SNX8: variants seen among roughly 807,000 people sequenced by gnomAD.
SNX8 encodes the protein sorting nexin 8, also known as sorting nexin-8.
Under a neutral mutation model 51.6 loss-of-function variants are expected in SNX8, and 25 were observed. The observed-to-expected ratio is 0.48, with a 90% CI of 0.35 to 0.68. The LOEUF is 0.68. Ranked by LOEUF, SNX8 falls within the 30% of genes least tolerant of loss-of-function variation. SNX8 has a pLI of 0.00. For missense variants in SNX8, 695 were observed against 624.0 expected (o/e 1.11, Z -1.21); for synonymous variants, 324 against 277.0 (o/e 1.17, Z -1.68).
chr7:2,334,230 C>T (rs1583119765), intron 1 of SNX8, among the ~76,000 whole-genome samples: 1 of 151,998 alleles, frequency 6.6e-6, no homozygotes, highest in African/African-American at 2.4e-5. Flanking sequence ...GGTGAAACCC[C>T]GTCTCTACTA....
intron 1 of SNX8, among the ~76,000 whole-genome samples, chr7:2,333,628 T>C (rs950754967): frequency 6.6e-6 from 1 of 152,052 alleles, no homozygotes; most frequent in Admixed American, 6.6e-5. Context: ...GAGACACAAA[T>C]AGATCAATGG....
At chr7:2,260,491 T>G (rs1464484975) in intron 7 of SNX8, among the ~76,000 whole-genome samples, 3 of 152,128 alleles carry the variant, frequency 2.0e-5, no homozygotes, top group African/African-American at 7.2e-5. Context: ...CCTAAACCAT[T>G]AATGCATGCG....
chr7:2,309,788 T>C lies in SNX8; in HGVS notation c.94+4540A>G, dbSNP rs547350776. 5.2e-4 allele frequency: 243 copies of C among 470,712 alleles called. 2 individuals carry two copies. The highest frequency in any genetic ancestry group is 4.6e-3 in the African/African-American group (231 of 50,072). 29.2% of individuals were successfully genotyped at this position (470,712 alleles called of 1,614,324 possible). ...GCGCAATGAATTCTGACCAACGTATTCACACAGAGAACAGACCTGACATGA... is the reference window on the plus strand; with the variant it reads ...GCGCAATGAATTCTGACCAACGTATCCACACAGAGAACAGACCTGACATGA... On this transcript the variant is annotated intron_variant, in intron 1 of 10. Transcript: ENST00000222990.
At chr7:2,329,444 T>C (rs1778689383) in intron 1 of SNX8, among the ~76,000 whole-genome samples, 1 of 152,204 alleles carries the variant, frequency 6.6e-6, no homozygotes, top group Non-Finnish European at 1.5e-5. Flanking sequence ...TGAACTACGT[T>C]GTTTTTCGTG....
At chr7:2,330,739 G>T (rs1193923985) in intron 1 of SNX8, among the ~76,000 whole-genome samples, 1 of 152,082 alleles carries the variant, frequency 6.6e-6, no homozygotes, top group Non-Finnish European at 1.5e-5. Context: ...ACACATTTGG[G>T]CACAGAAGCC....
At chr7:2,340,872 A>C (rs1222744327) in intron 1 of SNX8, among the ~76,000 whole-genome samples, 1 of 149,166 alleles carries the variant, frequency 6.7e-6, no homozygotes, top group African/African-American at 2.5e-5. Flanking sequence ...AAAAAAAAAA[A>C]AAAAAAAAAA....
At chr7:2,349,215 A>C (rs74996546) in intron 1 of SNX8, among the ~76,000 whole-genome samples, 2,753 of 151,472 alleles carry the variant, frequency 0.018, 88 homozygotes, top group African/African-American at 0.063. Flanking sequence ...AAAACAAAAA[A>C]AAAAAAAGTA....
At chr7:2,302,722 G>A (rs568651235) in intron 1 of SNX8, among the ~76,000 whole-genome samples, 5 of 149,380 alleles carry the variant, frequency 3.3e-5, no homozygotes, top group South Asian at 4.3e-4. Flanking sequence ...GCCGCCCATC[G>A]TCTGAGATGT....
chr7:2,342,054 T>C lies in SNX8; in HGVS notation c.-66+12168A>G, dbSNP rs1778937598. 2.1e-5 allele frequency among the ~76,000 whole-genome samples: 3 copies of C among 144,882 alleles called. No homozygotes were observed. The Admixed American group carries it at 2.1e-4, about 10-fold the overall frequency. ...ACGGGCGGATCACAAGATCAGGAGA[T>C]TGATCCTTGCATCTGGATCTCTCAG... On this transcript the variant is annotated intron_variant, in intron 1 of 5. Coordinates refer to the SNX8 transcript ENST00000435336.
intron 1 of SNX8, among the ~76,000 whole-genome samples, chr7:2,337,591 C>T (rs1303911272): frequency 6.6e-6 from 1 of 151,894 alleles, no homozygotes; most frequent in African/African-American, 2.4e-5. Flanking sequence ...TTGAAATTGA[C>T]AATGAAAGTT....
At chr7:2,304,238 C>T (rs1796489745) in intron 1 of SNX8, among the ~76,000 whole-genome samples, 3 of 151,314 alleles carry the variant, frequency 2.0e-5, no homozygotes, top group Admixed American at 2.0e-4. Context: ...AAAGAAGGAC[C>T]GACTACACAT....
intron 1 of SNX8, among the ~76,000 whole-genome samples, chr7:2,286,395 G>A (rs1796028840): frequency 6.6e-6 from 1 of 152,032 alleles, no homozygotes; most frequent in Admixed American, 6.6e-5. Flanking sequence ...TATTTAATGT[G>A]ATGTAACATT....
chr7:2,300,978 C>G (rs922520867), intron 1 of SNX8, among the ~76,000 whole-genome samples: 1 of 152,170 alleles, frequency 6.6e-6, no homozygotes, highest in Non-Finnish European at 1.5e-5. Flanking sequence ...TCGAACGAGA[C>G]AAGTAACCAT....
At position 2,259,435 on chromosome 7, in the gene SNX8, C is replaced by T. The variant is rs564116060; in HGVS notation, c.916-1632G>A. 3.3e-5 allele frequency among the ~76,000 whole-genome samples: 5 copies of T among 152,338 alleles called. No individual in the cohort carries two copies. In the East Asian group the frequency reaches 7.7e-4, roughly 24 times the overall value. On this transcript the variant is annotated intron_variant, in intron 7 of 10. Coordinates refer to ENST00000222990, the MANE Select transcript of SNX8 (RefSeq NM_013321.4). ...GGTAGGGGGTGAAAAGCTCACCCCA[C>T]GCACTGCACGTCAAGCTCAGCAGGA...
At chr7:2,303,416 G>A (rs1562448419) in intron 1 of SNX8, among the ~76,000 whole-genome samples, 1 of 151,954 alleles carries the variant, frequency 6.6e-6, no homozygotes, top group Admixed American at 6.6e-5. Flanking sequence ...GGGAAGTGAG[G>A]AGCCCCTCTG....
At chr7:2,313,478 A>G (rs1796699479) in intron 1 of SNX8, among the ~76,000 whole-genome samples, 1 of 151,098 alleles carries the variant, frequency 6.6e-6, no homozygotes, top group Non-Finnish European at 1.5e-5. Context: ...ATGAGCCGAG[A>G]TCGCACCATT....
chr7:2,335,269 C>G (rs1231203252), intron 1 of SNX8, among the ~76,000 whole-genome samples: 1 of 151,976 alleles, frequency 6.6e-6, no homozygotes, highest in Non-Finnish European at 1.5e-5. Context: ...AACGGATAAA[C>G]AAATTGTTCT....
chr7:2,323,917 C>T lies in SNX8; in HGVS notation c.-66+30305G>A, dbSNP rs554135370. On this transcript the variant is annotated intron_variant, in intron 1 of 5. Coordinates refer to the SNX8 transcript ENST00000435336. ...GGTGGATCACCTGAGATCAAGAGTT[C>T]GAGACCAGCCTAGCCAACATGGTAA... Among the ~76,000 whole-genome samples the T allele has an allele frequency of 6.6e-5, 10 of 151,858 alleles. No individual in the cohort carries two copies. In the East Asian group the frequency reaches 1.6e-3, roughly 24 times the overall value.
chr7:2,258,251 C>A (rs972430597), intron 7 of SNX8, among the ~76,000 whole-genome samples: 33 of 152,068 alleles, frequency 2.2e-4, no homozygotes, highest in Non-Finnish European at 1.0e-4. Flanking sequence ...CTCCAGACCT[C>A]GTGATCCGCC....
Sources: gnomAD v4.1 joint callset for allele counts (sites outside exome capture counted in the v4.1 genomes callset) on GRCh38, gnomAD v4.1.1 for gene constraint, MANE v1.5 for transcripts, NCBI Gene and HGNC (gene_info 2026-07-23, HGNC 2026-07-21) for gene names.